Variants in SLC16A10 observed in about 807,000 individuals in gnomAD.
The protein encoded by SLC16A10 is solute carrier family 16 member 10.
Under a neutral mutation model 40.0 loss-of-function variants are expected in SLC16A10, and 27 were observed. The observed-to-expected ratio is 0.67, with a 90% CI of 0.50 to 0.93. The LOEUF is 0.93. Ranked by LOEUF, SLC16A10 falls within the 40% of genes least tolerant of loss-of-function variation. The probability of loss-of-function intolerance (pLI) is 0.00; values close to 1 mark genes in which losing one functional copy is unlikely to be tolerated. For missense variants in SLC16A10, 529 were observed against 658.2 expected (o/e 0.80, Z 2.15); for synonymous variants, 213 against 249.8 (o/e 0.85, Z 1.39).
rs577157648 is a variant in SLC16A10, at chr6:111,230,636, G to A, written c.*8401G>A. 1 of 152,244 alleles carries A rather than the reference G, an allele frequency of 6.6e-6. No individual in the cohort carries two copies. The highest frequency in any genetic ancestry group is 1.5e-5 in the Non-Finnish European group (1 of 67,988). The allele number at this position is 152,244 out of a possible 1,614,324, so 9.4% of individuals were successfully genotyped here. A position where few individuals can be genotyped will look rare whatever the true frequency, so the allele number is the denominator to read the frequency against. ...TTGATAAAAGTTGCATTTTGCTTTTGTTCTTCCACCAGTTTATTTTAGCCT... is the reference window on the plus strand; with the variant it reads ...TTGATAAAAGTTGCATTTTGCTTTTATTCTTCCACCAGTTTATTTTAGCCT... On this transcript the variant is annotated 3_prime_UTR_variant, in exon 6 of 6. Coordinates refer to ENST00000368851, the MANE Select transcript of SLC16A10 (RefSeq NM_018593.5).
In SLC16A10 at chr6:111,177,435, T is replaced by C; in HGVS notation, c.712T>C (p.Cys238Arg). The C allele has an allele frequency of 6.2e-7, 1 of 1,614,146 alleles. No homozygotes were observed. Among genetic ancestry groups the C allele is most frequent in the Non-Finnish European group, 8.5e-7 (1 of 1,180,014 alleles). The change falls in exon 3 of 6, where the codon TGC (cysteine) becomes CGC (arginine). Residue 238 changes from cysteine to arginine, a missense_variant. Transcript: ENST00000368851. Reference protein sequence around the residue: ...VGLFYTLRVLCIFMFVLFLAG... With the variant: ...VGLFYTLRVLRIFMFVLFLAG... ...CCTCTTTTACACATTGAGGGTGCTC[T>C]GCATCTTCATGTTTGTTCTCTTTCT...
At chr6:111,172,664 A>G (rs1483440264) in intron 1 of SLC16A10, 31 bp from the exon 2 acceptor site, 1 of 1,603,040 alleles carries the variant, frequency 6.2e-7, no homozygotes, top group East Asian at 2.2e-5. Context: ...ACCATGTCAT[A>G]ATTCCCCCCA....
At chr6:111,098,266 A>G (rs1771111278) in intron 1 of SLC16A10, among the ~76,000 whole-genome samples, 1 of 152,088 alleles carries the variant, frequency 6.6e-6, no homozygotes, top group Non-Finnish European at 1.5e-5. Flanking sequence ...AGATCATGCC[A>G]TTGTACTCCA....
At chr6:111,191,038 CT>C (rs1414302003) in intron 3 of SLC16A10, among the ~76,000 whole-genome samples, 1 of 152,096 alleles carries the variant, frequency 6.6e-6, no homozygotes, top group East Asian at 1.9e-4. Context: ...TATTATTATA[CT>C]TTAAGTTATG....
At chr6:111,110,855 G>A (rs560798655) in intron 1 of SLC16A10, among the ~76,000 whole-genome samples, 31 of 152,178 alleles carry the variant, frequency 2.0e-4, no homozygotes, top group East Asian at 3.9e-4. Context: ...TTTCACTTCC[G>A]TGCCATATAG....
intron 1 of SLC16A10, among the ~76,000 whole-genome samples, chr6:111,123,824 G>C (rs1771624218): frequency 1.3e-5 from 2 of 152,160 alleles, no homozygotes. Flanking sequence ...CCTGAAGAAA[G>C]TGCTGATATT....
At chr6:111,160,133 G>T (rs1006964519) in intron 1 of SLC16A10, among the ~76,000 whole-genome samples, 3 of 152,044 alleles carry the variant, frequency 2.0e-5, no homozygotes, top group Non-Finnish European at 2.9e-5. Flanking sequence ...ATGAAGTTTA[G>T]TTTATCAACA....
intron 1 of SLC16A10, among the ~76,000 whole-genome samples, chr6:111,101,156 A>ATTTG (rs1771181786): frequency 6.6e-6 from 1 of 151,500 alleles, no homozygotes; most frequent in Non-Finnish European, 1.5e-5. Flanking sequence ...TCAACCTCCC[A>ATTTG]AGTAGTTAGG....
chr6:111,107,566 T>C (rs373784389), intron 1 of SLC16A10, among the ~76,000 whole-genome samples: 1 of 152,230 alleles, frequency 6.6e-6, no homozygotes, highest in East Asian at 1.9e-4. Flanking sequence ...ATCTTGTTCA[T>C]GCTGTAATTG....
intron 1 of SLC16A10, among the ~76,000 whole-genome samples, chr6:111,171,981 A>T (rs1374374843): frequency 6.6e-6 from 1 of 152,208 alleles, no homozygotes; most frequent in Non-Finnish European, 1.5e-5. Context: ...AGAGCTGCAT[A>T]GAGCTTCAGG....
intron 1 of SLC16A10, among the ~76,000 whole-genome samples, chr6:111,147,353 G>A (rs201693174): frequency 1.3e-5 from 2 of 152,050 alleles, no homozygotes; most frequent in Admixed American, 1.3e-4. Flanking sequence ...TTTAATAAAA[G>A]CAAAACTGTT....
At chr6:111,214,846 G>A (rs1031463122) in intron 4 of SLC16A10, among the ~76,000 whole-genome samples, 3 of 152,124 alleles carry the variant, frequency 2.0e-5, no homozygotes, top group Non-Finnish European at 2.9e-5. Context: ...CAGTCTGGGC[G>A]CGGTGGCTCA....
intron 3 of SLC16A10, among the ~76,000 whole-genome samples, chr6:111,193,557 AGAGAACTGATCATG>A (rs1773031553): frequency 1.3e-5 from 2 of 152,250 alleles, no homozygotes; most frequent in Admixed American, 6.5e-5. Flanking sequence ...GAAGAAATCT[AGAGAACTGATCATG>A]GAGAAATAAT....
intron 5 of SLC16A10, among the ~76,000 whole-genome samples, chr6:111,220,084 C>T (rs911643506): frequency 7.2e-5 from 11 of 152,170 alleles, no homozygotes; most frequent in Admixed American, 2.0e-4. Context: ...GAGACCCTGT[C>T]TCAAAATAAA....
intron 2 of SLC16A10, among the ~76,000 whole-genome samples, chr6:111,175,391 C>T (rs145912018): frequency 9.9e-4 from 150 of 152,234 alleles, no homozygotes; most frequent in African/African-American, 3.4e-3. Context: ...CAACTGAGAG[C>T]ATTACAGTAC....
At chr6:111,138,407 G>T (rs1771920309) in intron 1 of SLC16A10, among the ~76,000 whole-genome samples, 1 of 152,146 alleles carries the variant, frequency 6.6e-6, no homozygotes. Context: ...TCATTCCTCT[G>T]CTGTTGACAA....
chr6:111,137,197 A>T (rs547974653), intron 1 of SLC16A10, among the ~76,000 whole-genome samples: 1 of 152,358 alleles, frequency 6.6e-6, no homozygotes, highest in East Asian at 1.9e-4. Context: ...TACTCAGAAG[A>T]AGAAATAGAA....
chr6:111,148,950 T>A (rs1040903), intron 1 of SLC16A10, among the ~76,000 whole-genome samples: 1 of 151,912 alleles, frequency 6.6e-6, no homozygotes, highest in South Asian at 2.1e-4. Flanking sequence ...TCTCCTTTAC[T>A]TATGCTGGCC....
intron 3 of SLC16A10, chr6:111,193,220 A>G (rs1352538088): frequency 2.2e-6 from 2 of 916,172 alleles, no homozygotes; most frequent in African/African-American, 1.8e-5. Flanking sequence ...TTTTTCTCAG[A>G]TTTTTTTCAA....
Sources: allele counts gnomAD v4.1 joint callset (sites outside exome capture counted in the v4.1 genomes callset), GRCh38; gene constraint gnomAD v4.1.1; transcripts MANE v1.5; gene names NCBI Gene and HGNC (gene_info 2026-07-23, HGNC 2026-07-21).